The following PUS10 variants were observed in gnomAD, a reference collection of about 807,000 sequenced individuals.
PUS10 encodes the protein pseudouridine synthase 10, also known as tRNA pseudouridine synthase Pus10.
A neutral mutation model predicts 75.0 loss-of-function variants in PUS10; 59 were observed. That is an observed-to-expected ratio of 0.79 (90% CI 0.64 to 0.98). The LOEUF is 0.98. PUS10 is among the 50% of genes least tolerant of loss of function. PUS10 has a pLI of 0.00. For missense variants in PUS10, 650 were observed against 614.4 expected (o/e 1.06, Z -0.61); for synonymous variants, 219 against 211.6 (o/e 1.03, Z -0.30).
intron 1 of PUS10, among the ~76,000 whole-genome samples, chr2:61,012,411 C>T (rs1224852292): frequency 6.6e-6 from 1 of 152,000 alleles, no homozygotes; most frequent in Non-Finnish European, 1.5e-5. Flanking sequence ...GACCTTCTGC[C>T]CTCCTGTCTG....
intron 6 of PUS10, chr2:60,967,125 G>A (rs879760034): frequency 3.7e-5 from 7 of 187,800 alleles, no homozygotes; most frequent in Non-Finnish European, 7.4e-5. Flanking sequence ...TTGAAAACAA[G>A]ATTAGCCACA....
chr2:60,971,715 T>C (rs1216474789), intron 4 of PUS10, among the ~76,000 whole-genome samples, 158 bp from the exon 5 acceptor site: 1 of 152,176 alleles, frequency 6.6e-6, no homozygotes, highest in Non-Finnish European at 1.5e-5. Context: ...GTGACCTCAG[T>C]CTCATTTAAA....
chr2:60,973,805 C>T (rs1166909953), intron 4 of PUS10, among the ~76,000 whole-genome samples: 1 of 152,214 alleles, frequency 6.6e-6, no homozygotes, highest in Non-Finnish European at 1.5e-5. Context: ...TCCAGGCCCA[C>T]CCATGGCTGC....
chr2:61,000,014 T>C (rs973185120), intron 4 of PUS10, among the ~76,000 whole-genome samples: 12 of 152,184 alleles, frequency 7.9e-5, no homozygotes, highest in African/African-American at 2.9e-4. Context: ...CTTAAGCATC[T>C]GTGGATTTTG....
At position 60,960,522 on chromosome 2, in the gene PUS10, G is replaced by A. The variant is rs757720080; in HGVS notation, c.875-5C>T. On this transcript the variant is annotated splice_polypyrimidine_tract_variant and splice_region_variant and intron_variant, in intron 10 of 17. Transcript: ENST00000316752. ...TGGAGTATTTATTATATCTCCCTGA[G>A]AAAGAAATAATCAGATAGCCTGGAT... The A allele has an allele frequency of 6.4e-7, 1 of 1,567,100 alleles. No individual in the cohort carries two copies. The highest frequency in any genetic ancestry group is 8.6e-7 in the Non-Finnish European group (1 of 1,162,948).
chr2:60,991,851 T>C (rs1003535979), intron 4 of PUS10, among the ~76,000 whole-genome samples: 12 of 151,918 alleles, frequency 7.9e-5, no homozygotes, highest in South Asian at 2.1e-4. Context: ...ATTACGAAAA[T>C]TGGAGGGGAA....
At chr2:60,962,992 T>G (rs1026051090) in intron 8 of PUS10, 102 bp from the exon 9 acceptor site, 17 of 1,425,040 alleles carry the variant, frequency 1.2e-5, no homozygotes, top group Non-Finnish European at 1.6e-5. Flanking sequence ...ATCATTTCAT[T>G]ATATCATTTC....
At chr2:60,951,557 T>C (rs1409706334) in intron 15 of PUS10, among the ~76,000 whole-genome samples, 1 of 152,126 alleles carries the variant, frequency 6.6e-6, no homozygotes, top group African/African-American at 2.4e-5. Context: ...CCCTCGCACG[T>C]GTCATTTCCA....
intron 11 of PUS10, among the ~76,000 whole-genome samples, chr2:60,957,991 A>G (rs1675787373): frequency 6.6e-6 from 1 of 152,268 alleles, no homozygotes; most frequent in African/African-American, 2.4e-5. Flanking sequence ...TGTAAAAGGT[A>G]TAACTACCCT....
At chr2:60,953,716 G>T (rs972790803) in intron 14 of PUS10, among the ~76,000 whole-genome samples, 1 of 152,086 alleles carries the variant, frequency 6.6e-6, no homozygotes, top group Non-Finnish European at 1.5e-5. Context: ...GTTAAGATTT[G>T]CATTTCCCCA....
chr2:60,979,081 C>G (rs904122649), intron 4 of PUS10, among the ~76,000 whole-genome samples: 1 of 151,688 alleles, frequency 6.6e-6, no homozygotes, highest in African/African-American at 2.4e-5. Context: ...AGCAGTACCC[C>G]CTGCTCCAAA....
chr2:60,999,388 G>A (rs1463499449), intron 4 of PUS10, among the ~76,000 whole-genome samples: 1 of 152,134 alleles, frequency 6.6e-6, no homozygotes, highest in East Asian at 1.9e-4. Context: ...GCCACACCAG[G>A]AGGATCACTT....
In PUS10 at chr2:60,960,342, TC is replaced by T. The variant is rs1487360789; in HGVS notation, c.1000+49del. On this transcript the variant is annotated intron_variant, in intron 11 of 17. Coordinates refer to ENST00000316752, the MANE Select transcript of PUS10 (RefSeq NM_144709.4). ...CTAGTTGACAAAGCAAGCCCCTATC[TC>T]AAAAAAAAAAAAAAAAAGAAAGAAA... is the stretch of plus-strand genomic sequence containing the variant. 7.7e-6 allele frequency: 9 copies of T among 1,166,732 alleles called. No homozygotes were observed. The South Asian group carries it at 1.4e-4, about 18-fold the overall frequency. 72.3% of individuals were successfully genotyped at this position (1,166,732 alleles called of 1,614,324 possible). A position where few individuals can be genotyped will look rare whatever the true frequency, so the allele number is the denominator to read the frequency against.
chr2:60,995,399 C>T (rs1324348154), intron 4 of PUS10, among the ~76,000 whole-genome samples: 1 of 152,114 alleles, frequency 6.6e-6, no homozygotes, highest in African/African-American at 2.4e-5. Flanking sequence ...TATACATATG[C>T]ATACATACAT....
Position 61,012,887 on chromosome 2 carries a change from T to TATATATATATAC in PUS10, c.-15-983_-15-982insGTATATATATAT, listed in dbSNP as rs67357917. Among the ~76,000 whole-genome samples the TATATATATATAC allele has an allele frequency of 9.2e-4, 82 of 88,890 alleles. 3 individuals are homozygous for TATATATATATAC. Among genetic ancestry groups the TATATATATATAC allele is most frequent in the Non-Finnish European group, 1.4e-3 (62 of 44,410 alleles). 58.3% of individuals were successfully genotyped at this position (88,890 alleles called of 152,430 possible). A position where few individuals can be genotyped will look rare whatever the true frequency, so the allele number is the denominator to read the frequency against. On this transcript the variant is annotated intron_variant, in intron 1 of 17. Transcript: ENST00000316752. ...AAAAAAATATATATATATATATATATACACACACACACATATGCCTATTAC... is the reference window on the plus strand; with the variant it reads ...AAAAAAATATATATATATATATATATATATATATATACACACACACACACATATGCCTATTAC...
chr2:60,951,254 C>T (rs1675322515), intron 15 of PUS10, among the ~76,000 whole-genome samples: 1 of 152,106 alleles, frequency 6.6e-6, no homozygotes, highest in South Asian at 2.1e-4. Flanking sequence ...CAGCAGTCCC[C>T]AACCTTTTTG....
chr2:60,943,396 T>C (rs965138751), intron 17 of PUS10, among the ~76,000 whole-genome samples: 2 of 151,302 alleles, frequency 1.3e-5, no homozygotes, highest in Non-Finnish European at 2.9e-5. Flanking sequence ...GAAATTACAG[T>C]AAACAGACTA....
chr2:60,979,102 A>AACACATACACAT (rs61436873), intron 4 of PUS10, among the ~76,000 whole-genome samples: 7,497 of 149,360 alleles, frequency 0.05, 302 homozygotes, highest in Admixed American at 0.14. Flanking sequence ...CTCTTCTCCC[A>AACACATACACAT]ACACATACAC....
chr2:60,978,838 G>T (rs893030188), intron 4 of PUS10, among the ~76,000 whole-genome samples: 1 of 152,214 alleles, frequency 6.6e-6, no homozygotes, highest in African/African-American at 2.4e-5. Context: ...CAATGCTAGT[G>T]ATGATAAAGT....
Sources: allele counts gnomAD v4.1 joint callset (sites outside exome capture counted in the v4.1 genomes callset), GRCh38; gene constraint gnomAD v4.1.1; transcripts MANE v1.5; gene names NCBI Gene and HGNC (gene_info 2026-07-23, HGNC 2026-07-21).